The following LRRC4C variants were observed in gnomAD, a reference collection of about 807,000 sequenced individuals.
The protein encoded by LRRC4C is leucine-rich repeat-containing protein 4C.
Under a neutral mutation model 33.6 loss-of-function variants are expected in LRRC4C, and 5 were observed. That is an observed-to-expected ratio of 0.15 (90% CI 0.08 to 0.31). LRRC4C has a LOEUF of 0.31. Among genes scored for constraint, LRRC4C ranks in the 10% least tolerant of loss-of-function variants. The pLI is 1.00. For missense variants in LRRC4C, 560 were observed against 796.7 expected (o/e 0.70, Z 3.58); for synonymous variants, 329 against 302.0 (o/e 1.09, Z -0.93).
chr11:40,911,325 C>T (rs1956673712), intron 2 of LRRC4C, among the ~76,000 whole-genome samples: 1 of 152,254 alleles, frequency 6.6e-6, no homozygotes, highest in Non-Finnish European at 1.5e-5. Context: ...CCTCACACAG[C>T]CGAGTACTCC....
At chr11:40,517,549 A>G (rs1317253923) in intron 3 of LRRC4C, among the ~76,000 whole-genome samples, 7 of 152,160 alleles carry the variant, frequency 4.6e-5, no homozygotes, top group Non-Finnish European at 7.3e-5. Context: ...TTTTTAGAAG[A>G]TCCAATCAGA....
At chr11:40,181,262 A>G (rs1186914932) in intron 5 of LRRC4C, among the ~76,000 whole-genome samples, 1 of 152,090 alleles carries the variant, frequency 6.6e-6, no homozygotes, top group South Asian at 2.1e-4. Flanking sequence ...ACCATGCATA[A>G]CACCACATAT....
intron 3 of LRRC4C, among the ~76,000 whole-genome samples, chr11:40,338,447 T>C (rs1350217890): frequency 1.3e-5 from 2 of 152,200 alleles, no homozygotes; most frequent in African/African-American, 2.4e-5. Context: ...TCCTCTTTTA[T>C]AGGATATTTC....
At chr11:41,279,311 A>C (rs1046234058) in intron 1 of LRRC4C, among the ~76,000 whole-genome samples, 1 of 151,646 alleles carries the variant, frequency 6.6e-6, no homozygotes, top group African/African-American at 2.4e-5. Flanking sequence ...GACCGAAGGA[A>C]GCCTGCTTTC....
At chr11:40,610,717 C>T (rs1000928028) in intron 3 of LRRC4C, among the ~76,000 whole-genome samples, 5 of 151,764 alleles carry the variant, frequency 3.3e-5, no homozygotes, top group Non-Finnish European at 7.4e-5. Flanking sequence ...GGTTGCTTTT[C>T]TATACACTAA....
intron 3 of LRRC4C, among the ~76,000 whole-genome samples, chr11:40,369,926 AG>A (rs2137249176): frequency 6.6e-6 from 1 of 152,368 alleles, no homozygotes; most frequent in South Asian, 2.1e-4. Flanking sequence ...AAATAGAGCA[AG>A]AAAAAAGTGG....
chr11:40,561,658 T>C lies in LRRC4C; in HGVS notation c.-270+86484A>G, dbSNP rs570253804. Among the ~76,000 whole-genome samples the C allele has an allele frequency of 7.3e-4, 111 of 152,068 alleles. 2 individuals are homozygous for C. The highest frequency in any genetic ancestry group is 1.0e-3 in the Non-Finnish European group (71 of 68,012). Reference sequence around the variant, plus strand: ...CGATCTCCTGACCTTGTGATCCGCCTGCCTCAGCATCCCAAAGTGCTGGGA... The same window carrying C: ...CGATCTCCTGACCTTGTGATCCGCCCGCCTCAGCATCCCAAAGTGCTGGGA... On this transcript the variant is annotated intron_variant, in intron 3 of 6. Coordinates refer to ENST00000528697, the MANE Select transcript of LRRC4C (RefSeq NM_001258419.2).
intron 4 of LRRC4C, among the ~76,000 whole-genome samples, chr11:40,270,819 C>T (rs183135431): frequency 1.1e-4 from 16 of 152,222 alleles, no homozygotes; most frequent in African/African-American, 3.4e-4. Context: ...GCAACTAATT[C>T]GATCATTGAC....
At chr11:40,546,205 G>T (rs1157385236) in intron 3 of LRRC4C, among the ~76,000 whole-genome samples, 1 of 149,670 alleles carries the variant, frequency 6.7e-6, no homozygotes. Flanking sequence ...TAAACAAAAT[G>T]CTTTTGGCAT....
At chr11:40,613,125 G>A (rs947795356) in intron 3 of LRRC4C, among the ~76,000 whole-genome samples, 3 of 151,820 alleles carry the variant, frequency 2.0e-5, no homozygotes, top group African/African-American at 7.2e-5. Context: ...GGATGGCTGT[G>A]CCTGTTTCTC....
Position 40,400,978 on chromosome 11 carries a change from C to T in LRRC4C, c.-269-81257G>A, listed in dbSNP as rs1007576614. ...GACTATCTTGTTTAATTTTATATCA[C>T]CATTACTTAGCATAGAATGTCTGCA... On this transcript the variant is annotated intron_variant, in intron 3 of 6. Coordinates refer to ENST00000528697, the MANE Select transcript of LRRC4C (RefSeq NM_001258419.2). Among the ~76,000 whole-genome samples the T allele has an allele frequency of 9.9e-5, 15 of 152,158 alleles. No individual in the cohort carries two copies. The East Asian group carries it at 2.7e-3, about 27-fold the overall frequency.
chr11:40,842,970 C>G (rs191415309), intron 2 of LRRC4C, among the ~76,000 whole-genome samples: 41 of 152,156 alleles, frequency 2.7e-4, no homozygotes, highest in African/African-American at 9.4e-4. Context: ...GAGCACAGAA[C>G]GAAACCTGTG....
At chr11:40,824,680 G>T (rs796404906) in intron 2 of LRRC4C, among the ~76,000 whole-genome samples, 3 of 151,770 alleles carry the variant, frequency 2.0e-5, no homozygotes, top group African/African-American at 7.2e-5. Context: ...TTTCTAAGCG[G>T]GCCTGCAAGT....
chr11:40,435,648 T>C (rs1240402767), intron 3 of LRRC4C, among the ~76,000 whole-genome samples: 1 of 152,176 alleles, frequency 6.6e-6, no homozygotes. Flanking sequence ...GGCTCTGACA[T>C]AAAATTTACA....
intron 1 of LRRC4C, among the ~76,000 whole-genome samples, chr11:41,433,274 A>G (rs776790953): frequency 3.3e-5 from 5 of 152,188 alleles, no homozygotes; most frequent in Admixed American, 6.5e-5. Flanking sequence ...CAAAGCATAT[A>G]TAACACTCCA....
intron 3 of LRRC4C, among the ~76,000 whole-genome samples, chr11:40,437,309 C>T (rs1200872553): frequency 6.6e-6 from 1 of 152,164 alleles, no homozygotes; most frequent in East Asian, 1.9e-4. Flanking sequence ...AGTCTGTTTT[C>T]CTCAGAGAAT....
At chr11:41,453,083 T>C (rs765964824) in intron 1 of LRRC4C, among the ~76,000 whole-genome samples, 20 of 152,118 alleles carry the variant, frequency 1.3e-4, no homozygotes, top group Non-Finnish European at 2.5e-4. Flanking sequence ...CAAAGGTATG[T>C]TACTAATGAG....
intron 2 of LRRC4C, among the ~76,000 whole-genome samples, chr11:40,688,628 G>A (rs1423668410): frequency 6.6e-6 from 1 of 152,082 alleles, no homozygotes; most frequent in African/African-American, 2.4e-5. Flanking sequence ...TGGATGCTCT[G>A]TGGACACCAA....
chr11:41,367,802 C>T (rs1335580115), intron 1 of LRRC4C, among the ~76,000 whole-genome samples: 1 of 152,096 alleles, frequency 6.6e-6, no homozygotes, highest in Admixed American at 6.6e-5. Context: ...CATCCCAAGG[C>T]CTCCCTGCCA....
Sources: gnomAD v4.1 joint callset for allele counts (sites outside exome capture counted in the v4.1 genomes callset) on GRCh38, gnomAD v4.1.1 for gene constraint, MANE v1.5 for transcripts, NCBI Gene and HGNC (gene_info 2026-07-23, HGNC 2026-07-21) for gene names.